CSMD3: variants seen among roughly 807,000 people sequenced by gnomAD.
The protein encoded by CSMD3 is CUB and sushi domain-containing protein 3.
In CSMD3, 177 loss-of-function variants were observed where a neutral mutation model predicts 435.2. The observed-to-expected ratio is 0.41, with a 90% CI of 0.36 to 0.46. The LOEUF (loss-of-function observed/expected upper bound fraction) is 0.46, where lower values mean the gene tolerates loss of function less well. Ranked by LOEUF, CSMD3 falls within the 20% of genes least tolerant of loss-of-function variation. The pLI is 0.34. For synonymous variants in CSMD3, 1,656 were observed against 1,520.5 expected (o/e 1.09, Z -2.07); for missense variants, 4,265 against 4,504.6 (o/e 0.95, Z 1.52).
chr8:112,716,949 G>A (rs755575354), intron 13 of CSMD3, among the ~76,000 whole-genome samples: 2 of 150,462 alleles, frequency 1.3e-5, no homozygotes, highest in Non-Finnish European at 3.0e-5. Flanking sequence ...AGACTTAAAT[G>A]TAAAACCATA....
chr8:112,318,146 A>T (rs1299120564), intron 47 of CSMD3, among the ~76,000 whole-genome samples: 1 of 152,010 alleles, frequency 6.6e-6, no homozygotes, highest in Non-Finnish European at 1.5e-5. Context: ...TTGCATATAT[A>T]TCTGCCACTT....
chr8:112,370,255 A>G (rs1454188549), intron 38 of CSMD3, among the ~76,000 whole-genome samples: 1 of 152,168 alleles, frequency 6.6e-6, no homozygotes, highest in East Asian at 1.9e-4. Context: ...GCAAAACATC[A>G]TCTTGTGTCT....
chr8:112,618,344 G>A (rs1056528727), intron 22 of CSMD3, among the ~76,000 whole-genome samples: 1 of 151,918 alleles, frequency 6.6e-6, no homozygotes, highest in African/African-American at 2.4e-5. Context: ...TATAAATATG[G>A]TTATTAAGCC....
chr8:112,870,409 C>A (rs2081100356), intron 10 of CSMD3, among the ~76,000 whole-genome samples: 1 of 151,592 alleles, frequency 6.6e-6, no homozygotes, highest in Admixed American at 6.6e-5. Flanking sequence ...GCTGGGACTA[C>A]AGGTGCCTGC....
At chr8:113,053,258 C>A (rs2088175391) in intron 5 of CSMD3, among the ~76,000 whole-genome samples, 1 of 152,168 alleles carries the variant, frequency 6.6e-6, no homozygotes, top group Admixed American at 6.6e-5. Context: ...GAAAGCCTAC[C>A]AACATCCATC....
At chr8:112,551,047 T>A (rs1338638371) in intron 26 of CSMD3, among the ~76,000 whole-genome samples, 174 bp from the exon 27 acceptor site, 3 of 152,206 alleles carry the variant, frequency 2.0e-5, no homozygotes, top group Non-Finnish European at 4.4e-5. Context: ...ACATATAATT[T>A]GTTTTTTTAG....
intron 6 of CSMD3, among the ~76,000 whole-genome samples, chr8:113,004,957 T>G (rs1466639098): frequency 9.9e-5 from 15 of 151,872 alleles, no homozygotes; most frequent in Non-Finnish European, 2.9e-5. Flanking sequence ...ACTATCATTG[T>G]GTATGCATTA....
intron 13 of CSMD3, among the ~76,000 whole-genome samples, chr8:112,721,952 A>G (rs560053006): frequency 6.6e-6 from 1 of 152,290 alleles, no homozygotes; most frequent in Non-Finnish European, 1.5e-5. Context: ...GTTAGAGTTC[A>G]TATTTTGAAA....
intron 7 of CSMD3, among the ~76,000 whole-genome samples, chr8:112,970,138 G>C (rs1056882804): frequency 2.6e-5 from 4 of 151,788 alleles, no homozygotes; most frequent in South Asian, 4.2e-4. Flanking sequence ...TTCTAAAATA[G>C]ATAATTCTAG....
intron 10 of CSMD3, among the ~76,000 whole-genome samples, chr8:112,860,096 A>G (rs2080782983): frequency 6.6e-6 from 1 of 151,794 alleles, no homozygotes. Flanking sequence ...AAATCAGTTG[A>G]TGGACCTCCT....
intron 7 of CSMD3, among the ~76,000 whole-genome samples, chr8:112,962,942 T>C (rs553868743): frequency 1.3e-5 from 2 of 152,074 alleles, no homozygotes; most frequent in African/African-American, 4.8e-5. Context: ...AGAGCACTAC[T>C]GAGAACTATT....
intron 1 of CSMD3, among the ~76,000 whole-genome samples, chr8:113,332,516 GAATA>G (rs1356190974): frequency 6.6e-6 from 1 of 151,442 alleles, no homozygotes; most frequent in African/African-American, 2.4e-5. Context: ...TAAAATTAGA[GAATA>G]AATTCATTCA....
At chr8:112,747,693 C>A (rs992429867) in intron 13 of CSMD3, among the ~76,000 whole-genome samples, 1 of 152,014 alleles carries the variant, frequency 6.6e-6, no homozygotes, top group Non-Finnish European at 1.5e-5. Flanking sequence ...TAAAAACAGG[C>A]GGCCGGGCGC....
At chr8:112,266,202 T>A (rs1816930187) in intron 59 of CSMD3, among the ~76,000 whole-genome samples, 1 of 152,112 alleles carries the variant, frequency 6.6e-6, no homozygotes, top group South Asian at 2.1e-4. Context: ...CATTAATATA[T>A]CCAACTCTGA....
At chr8:112,277,023 T>G (rs1818123040) in intron 59 of CSMD3, among the ~76,000 whole-genome samples, 1 of 152,192 alleles carries the variant, frequency 6.6e-6, no homozygotes, top group South Asian at 2.1e-4. Context: ...TGCCACAGAC[T>G]TCTCTCTTGT....
intron 40 of CSMD3, 120 bp downstream of exon 40, chr8:112,351,055 T>C (rs1422902589): frequency 2.6e-5 from 16 of 606,808 alleles, no homozygotes; most frequent in Non-Finnish European, 4.6e-5. Flanking sequence ...AAACTATATG[T>C]TTGAAAATCA....
chr8:113,081,626 C>T (rs2089567660), intron 5 of CSMD3, among the ~76,000 whole-genome samples: 1 of 152,098 alleles, frequency 6.6e-6, no homozygotes, highest in Non-Finnish European at 1.5e-5. Context: ...GCTGCTACAG[C>T]ATGGTATCAT....
intron 22 of CSMD3, among the ~76,000 whole-genome samples, chr8:112,590,808 C>G (rs1224024110): frequency 6.6e-6 from 1 of 152,052 alleles, no homozygotes; most frequent in Non-Finnish European, 1.5e-5. Flanking sequence ...GGTAAGCACA[C>G]TTCTTCCTAC....
intron 9 of CSMD3, among the ~76,000 whole-genome samples, chr8:112,937,988 T>C (rs1444384622): frequency 3.3e-5 from 5 of 152,160 alleles, no homozygotes; most frequent in Non-Finnish European, 7.4e-5. Flanking sequence ...TGAAAGTTGA[T>C]CGTATGAATT....
Sources: allele counts gnomAD v4.1 joint callset (sites outside exome capture counted in the v4.1 genomes callset), GRCh38; gene constraint gnomAD v4.1.1; transcripts MANE v1.5; gene names NCBI Gene and HGNC (gene_info 2026-07-23, HGNC 2026-07-21).